ODAD2: variants seen among roughly 807,000 people sequenced by gnomAD.
ODAD2 encodes the protein outer dynein arm docking complex subunit 2, also known as outer dynein arm-docking complex subunit 2.
ODAD2 carries 89 observed loss-of-function variants against 106.8 expected under a neutral mutation model. The observed-to-expected ratio is 0.83, with a 90% CI of 0.70 to 0.99. The LOEUF is 0.99. Ranked by LOEUF, ODAD2 falls within the 50% of genes least tolerant of loss-of-function variation. ODAD2 has a pLI of 0.00. For missense variants in ODAD2, 1,168 were observed against 1,238.5 expected (o/e 0.94, Z 0.85); for synonymous variants, 404 against 436.2 (o/e 0.93, Z 0.92).
chr10:27,826,149 G>A (rs576637472), intron 19 of ODAD2, among the ~76,000 whole-genome samples: 2 of 152,226 alleles, frequency 1.3e-5, no homozygotes, highest in South Asian at 4.2e-4. Flanking sequence ...GACGCAGAAT[G>A]GGATCAAGAA....
intron 19 of ODAD2, among the ~76,000 whole-genome samples, chr10:27,825,279 G>A (rs1836949186): frequency 6.6e-6 from 1 of 152,194 alleles, no homozygotes; most frequent in Non-Finnish European, 1.5e-5. Context: ...ATTAGGCCAA[G>A]TTCTCAATAC....
intron 17 of ODAD2, among the ~76,000 whole-genome samples, chr10:27,885,091 C>T (rs1297852169): frequency 1.3e-5 from 2 of 152,000 alleles, no homozygotes; most frequent in Admixed American, 1.3e-4. Context: ...GAAAATACAT[C>T]AGACTTACTA....
chr10:27,977,327 G>A (rs1396570265), intron 7 of ODAD2, among the ~76,000 whole-genome samples: 1 of 151,854 alleles, frequency 6.6e-6, no homozygotes, highest in Non-Finnish European at 1.5e-5. Flanking sequence ...CACTTTGAGA[G>A]GCCAAGGTCG....
intron 19 of ODAD2, among the ~76,000 whole-genome samples, chr10:27,829,864 T>C (rs191390569): frequency 1.1e-3 from 171 of 152,236 alleles, no homozygotes; most frequent in Middle Eastern, 6.8e-3. Flanking sequence ...CCATCTTACA[T>C]GATTTTTGCC....
At chr10:27,981,200 T>C (rs1849519458) in intron 7 of ODAD2, among the ~76,000 whole-genome samples, 1 of 152,106 alleles carries the variant, frequency 6.6e-6, no homozygotes, top group South Asian at 2.1e-4. Flanking sequence ...TTAATGGGTG[T>C]AGAGTTCAAG....
chr10:27,825,810 A>T (rs781759392), intron 19 of ODAD2, among the ~76,000 whole-genome samples: 9 of 152,236 alleles, frequency 5.9e-5, no homozygotes, highest in Non-Finnish European at 1.3e-4. Flanking sequence ...AAGCAGAAAG[A>T]GACTTGAGCC....
chr10:27,903,044 T>A (rs1167258803), intron 17 of ODAD2, among the ~76,000 whole-genome samples: 1 of 151,804 alleles, frequency 6.6e-6, no homozygotes, highest in Non-Finnish European at 1.5e-5. Context: ...GATGCGAAAA[T>A]CCTCAATAAA....
In ODAD2 at chr10:27,961,749, G is replaced by A. The variant is rs1848157860; in HGVS notation, c.1239-34C>T. 1.9e-6 allele frequency: 3 copies of A among 1,593,820 alleles called. No homozygotes were observed. The East Asian group carries it at 6.7e-5, about 36-fold the overall frequency. On this transcript the variant is annotated intron_variant, in intron 9 of 19. Coordinates refer to ENST00000305242, the MANE Select transcript of ODAD2 (RefSeq NM_018076.5). ...AATAACAACACACATACACATGTAAGCTATAGTGTGGAGATCTATTAAGAC... is the reference window on the plus strand; with the variant it reads ...AATAACAACACACATACACATGTAAACTATAGTGTGGAGATCTATTAAGAC...
chr10:27,871,996 T>G (rs1013454657), intron 17 of ODAD2, among the ~76,000 whole-genome samples: 1 of 152,234 alleles, frequency 6.6e-6, no homozygotes, highest in African/African-American at 2.4e-5. Context: ...GAGCATGGAA[T>G]GTTCTTCCAT....
At chr10:27,988,934 C>A (rs1346102970) in intron 2 of ODAD2, among the ~76,000 whole-genome samples, 1 of 152,024 alleles carries the variant, frequency 6.6e-6, no homozygotes, top group African/African-American at 2.4e-5. Context: ...CACCAGGGTT[C>A]TTATAAGAGG....
At position 27,840,685 on chromosome 10, in the gene ODAD2, A is replaced by G. The variant is rs1035139308; in HGVS notation, c.3021+19940T>C. The stretch of plus-strand genomic sequence containing the variant: ...AACAGTGGCAAAAGAGAGGAAGCCA[A>G]CTGGCATAGAAAGAATAAAAGGAAA... On this transcript the variant is annotated intron_variant, in intron 19 of 19. Coordinates refer to ENST00000305242, the MANE Select transcript of ODAD2 (RefSeq NM_018076.5). Among the ~76,000 whole-genome samples the G allele has an allele frequency of 3.3e-5, 5 of 152,336 alleles. No individual in the cohort carries two copies. The East Asian group carries it at 9.6e-4, about 29-fold the overall frequency.
chr10:27,952,393 TA>T (rs769950300), intron 10 of ODAD2, among the ~76,000 whole-genome samples: 7 of 151,636 alleles, frequency 4.6e-5, no homozygotes, highest in African/African-American at 1.7e-4. Flanking sequence ...TTTTTTATTT[TA>T]TTTTTTTTTT....
intron 17 of ODAD2, among the ~76,000 whole-genome samples, chr10:27,882,187 A>AAGAAAGAAAGAAAGAG (rs1841768944): frequency 6.7e-6 from 1 of 149,540 alleles, no homozygotes; most frequent in Non-Finnish European, 1.5e-5. Flanking sequence ...GAAAGAAAGA[A>AAGAAAGAAAGAAAGAG]AGAAAGAAAG....
chr10:27,914,199 C>G (rs1288466617), intron 16 of ODAD2, among the ~76,000 whole-genome samples: 1 of 152,032 alleles, frequency 6.6e-6, no homozygotes. Flanking sequence ...CCAATTATAT[C>G]CCATGCATTG....
chr10:27,906,169 G>A (rs1171849543), intron 17 of ODAD2, among the ~76,000 whole-genome samples: 2 of 150,620 alleles, frequency 1.3e-5, no homozygotes, highest in African/African-American at 4.9e-5. Context: ...AAATTTATAA[G>A]AAAAAACAAC....
chr10:27,991,496 A>G (rs1458879414), intron 2 of ODAD2, among the ~76,000 whole-genome samples: 1 of 152,210 alleles, frequency 6.6e-6, no homozygotes, highest in African/African-American at 2.4e-5. Flanking sequence ...TAATCAGAAA[A>G]AGGATGATCA....
rs113860424 is a variant in ODAD2 at position 27,971,643 on chromosome 10, A to C, written c.937-330T>G. On this transcript the variant is annotated intron_variant, in intron 7 of 19. Transcript: ENST00000305242. Reference sequence around the variant, plus strand: ...ATCGTATTTAAATGGCTTGAACCAAAGATAAAGGGAACATCTTGAAGGTAG... The same window carrying C: ...ATCGTATTTAAATGGCTTGAACCAACGATAAAGGGAACATCTTGAAGGTAG... Among the ~76,000 whole-genome samples the C allele has an allele frequency of 3.9e-5, 6 of 152,342 alleles. 1 individual carries two copies. The highest frequency in any genetic ancestry group is 1.4e-4 in the African/African-American group (6 of 41,578).
At chr10:27,885,909 A>T (rs774748015) in intron 17 of ODAD2, among the ~76,000 whole-genome samples, 13 of 124,740 alleles carry the variant, frequency 1.0e-4, no homozygotes, top group Non-Finnish European at 1.9e-4. Flanking sequence ...ATATAAAAAT[A>T]TATATATATT....
At chr10:27,847,906 T>G (rs1479484661) in intron 19 of ODAD2, among the ~76,000 whole-genome samples, 1 of 152,062 alleles carries the variant, frequency 6.6e-6, no homozygotes, top group Non-Finnish European at 1.5e-5. Context: ...AAACCACTGC[T>G]CAACAAAATA....
Sources: allele counts gnomAD v4.1 joint callset (sites outside exome capture counted in the v4.1 genomes callset), GRCh38; gene constraint gnomAD v4.1.1; transcripts MANE v1.5; gene names NCBI Gene and HGNC (gene_info 2026-07-23, HGNC 2026-07-21).